Variants in KIF1A observed in about 807,000 individuals in gnomAD.
The protein encoded by KIF1A is kinesin-like protein KIF1A.
In KIF1A, 46 loss-of-function variants were observed where a neutral mutation model predicts 227.3. The observed-to-expected ratio is 0.20, with a 90% CI of 0.16 to 0.26. KIF1A has a LOEUF of 0.26. KIF1A is among the 10% of genes least tolerant of loss of function. The probability of loss-of-function intolerance (pLI) is 1.00; values close to 1 mark genes in which losing one functional copy is unlikely to be tolerated. For synonymous variants in KIF1A, 1,022 were observed against 1,012.8 expected, an observed-to-expected ratio of 1.01 and a Z score of -0.17; for missense variants, 1,683 against 2,485.9, an observed-to-expected ratio of 0.68 and a Z score of 6.87.
In KIF1A at chr2:240,739,010, A is replaced by G. The variant is rs1448937188; in HGVS notation, c.3901+1048T>C. Among the ~76,000 whole-genome samples, 1 of 152,262 alleles carries G rather than the reference A, an allele frequency of 6.6e-6. No homozygotes were observed. The highest frequency in any genetic ancestry group is 1.5e-5 in the Non-Finnish European group (1 of 68,048). On this transcript the variant is annotated intron_variant, in intron 37 of 48. Coordinates refer to ENST00000498729, the MANE Select transcript of KIF1A (RefSeq NM_001244008.2). This position sits in a 1 kb window ranked among gnomAD's most constrained non-coding sequence, Gnocchi z 5.6. ...ATTCACTCTTCTTAGGCTTGCCCTA[A>G]ACAACCTCTGAAAGGAGGGTTTGGG...
At chr2:240,772,750 C>T (rs528729607) in intron 13 of KIF1A, among the ~76,000 whole-genome samples, 154 bp from the exon 14 acceptor site, 74 of 152,214 alleles carry the variant, frequency 4.9e-4, no homozygotes, top group Non-Finnish European at 8.2e-4. Flanking sequence ...AGCTCCAGAA[C>T]GCGGGGGACC....
Position 240,746,634 on chromosome 2 carries a change from G to A in KIF1A, c.3064-457C>T, listed in dbSNP as rs537464311. On this transcript the variant is annotated intron_variant, in intron 29 of 48. Transcript: ENST00000498729. ...GCACCCAGGTTCCAGGTGACGGCAC[G>A]GCCAGGTGGGCAGGGGTGAGAAGCG... Among the ~76,000 whole-genome samples, 498 of 152,328 alleles carry A rather than the reference G, an allele frequency of 3.3e-3. 1 individual carries two copies. Among genetic ancestry groups the A allele is most frequent in the African/African-American group, 0.011 (471 of 41,562 alleles).
chr2:240,783,018 T>TATGGAAGC lies in KIF1A; in HGVS notation c.864+18_864+25dup, dbSNP rs747937333. On this transcript the variant is annotated intron_variant, in intron 9 of 48. Transcript: ENST00000498729. ...GCCAAAGACCCTCTGGGGTTCTGGC[T>TATGGAAGC]ATGGAAGCCGGGCCGGGCCACTCAC... is the stretch of plus-strand genomic sequence containing the variant. 66 of 1,592,496 alleles carry TATGGAAGC rather than the reference T, an allele frequency of 4.1e-5. No individual in the cohort carries two copies. In the South Asian group the frequency reaches 6.7e-4, roughly 16 times the overall value.
intron 47 of KIF1A, among the ~76,000 whole-genome samples, chr2:240,718,596 C>T (rs965540562): frequency 2.0e-5 from 3 of 152,218 alleles, no homozygotes; most frequent in Non-Finnish European, 4.4e-5. Flanking sequence ...CTGAACTTGT[C>T]CAGGGCCATT....
At position 240,718,138 on chromosome 2, in the gene KIF1A, G is replaced by A. The variant is rs1455631917; in HGVS notation, c.5245C>T (p.His1749Tyr). Residue 1749 changes from histidine (H) to tyrosine (Y), a missense_variant, in exon 48 of 49, where the codon CAC becomes TAC. Transcript: ENST00000498729. ...GCGGCCTGCAGCAGGATGCCGCGGT[G>A]TTCCGTGCACACCGCGAATGTGTTG... The part of the protein sequence containing the change: ...TPNTFAVCTE[H>Y]RGILLQAASD... 6 of 1,609,334 alleles carry A rather than the reference G, an allele frequency of 3.7e-6. No individual in the cohort carries two copies. In the South Asian group the frequency reaches 6.7e-5, roughly 18 times the overall value.
chr2:240,721,372 G>C (rs2045358534), intron 44 of KIF1A, among the ~76,000 whole-genome samples: 1 of 152,252 alleles, frequency 6.6e-6, no homozygotes, highest in African/African-American at 2.4e-5. Context: ...ATGGGGACAA[G>C]GAAGGCCATG....
At chr2:240,750,237 G>C (rs1368663132) in intron 28 of KIF1A, among the ~76,000 whole-genome samples, 192 bp downstream of exon 28, 1 of 152,234 alleles carries the variant, frequency 6.6e-6, no homozygotes, top group Non-Finnish European at 1.5e-5. Flanking sequence ...AGCCCGGGGC[G>C]CCAGCCCAGG....
chr2:240,780,830 C>CCA lies in KIF1A; in HGVS notation c.882+1758_882+1759dup, dbSNP rs772178620. On this transcript the variant is annotated intron_variant, in intron 10 of 48. Coordinates refer to ENST00000498729, the MANE Select transcript of KIF1A (RefSeq NM_001244008.2). The stretch of plus-strand genomic sequence containing the variant: ...CACACACACACACACACACACAGCT[C>CCA]CACACACACACACAGCTCCACACAC... Among the ~76,000 whole-genome samples, 12 of 10,072 alleles carry CCA rather than the reference C, an allele frequency of 1.2e-3. 2 individuals are homozygous for CCA. Among genetic ancestry groups the CCA allele is most frequent in the African/African-American group, 6.1e-3 (10 of 1,634 alleles). The allele number at this position is 10,072 out of a possible 152,430, so 6.6% of individuals were successfully genotyped here. A position where few individuals can be genotyped will look rare whatever the true frequency, so the allele number is the denominator to read the frequency against.
At chr2:240,784,320 C>T (rs2126057801) in intron 7 of KIF1A, among the ~76,000 whole-genome samples, 1 of 152,278 alleles carries the variant, frequency 6.6e-6, no homozygotes, top group Admixed American at 6.5e-5. Context: ...GGAGGCCTGG[C>T]CCCTCCTGAG....
At position 240,778,613 on chromosome 2, in the gene KIF1A, C is replaced by T; in HGVS notation, c.883-2687G>A. Among the ~76,000 whole-genome samples the T allele has an allele frequency of 6.6e-6, 1 of 151,596 alleles. No homozygotes were observed. Among genetic ancestry groups the T allele is most frequent in the African/African-American group, 2.4e-5 (1 of 41,220 alleles). On this transcript the variant is annotated intron_variant, in intron 10 of 48. Coordinates refer to ENST00000498729, the MANE Select transcript of KIF1A (RefSeq NM_001244008.2). This position sits in a 1 kb window ranked among gnomAD's most constrained non-coding sequence, Gnocchi z 7.2. ...CCGAAAACCCCTTCAGCTCGGCCCC[C>T]GTCCCCACACAGCTCCCCACCCCCT... is the stretch of plus-strand genomic sequence containing the variant.
intron 2 of KIF1A, among the ~76,000 whole-genome samples, chr2:240,795,509 T>G (rs1313491576): frequency 6.6e-6 from 1 of 152,244 alleles, no homozygotes; most frequent in Non-Finnish European, 1.5e-5. Flanking sequence ...CCTGCACTGC[T>G]GTCTCTGAAC....
At chr2:240,815,475 C>G (rs2058249866) in intron 1 of KIF1A, among the ~76,000 whole-genome samples, 1 of 152,106 alleles carries the variant, frequency 6.6e-6, no homozygotes, top group South Asian at 2.1e-4. Flanking sequence ...GAAGGGGGTG[C>G]CTGTCATTCC....
rs2051573447 is a variant in KIF1A at position 240,769,009 on chromosome 2, G to A, written c.1497+124C>T. 17 of 809,618 alleles carry A rather than the reference G, an allele frequency of 2.1e-5. 1 individual carries two copies. 50.2% of individuals were successfully genotyped at this position (809,618 alleles called of 1,614,324 possible). On this transcript the variant is annotated intron_variant, in intron 17 of 48. Coordinates refer to ENST00000498729, the MANE Select transcript of KIF1A (RefSeq NM_001244008.2). ...TATGGGTGAGCTTCACAGCCCCAGTGCCTGGGCCAGAGCCCCACCGTGCTC... is the reference window on the plus strand; with the variant it reads ...TATGGGTGAGCTTCACAGCCCCAGTACCTGGGCCAGAGCCCCACCGTGCTC...
chr2:240,786,305 C>T lies in KIF1A; in HGVS notation c.608+30G>A, dbSNP rs775520575. The T allele has an allele frequency of 5.6e-6, 9 of 1,603,280 alleles. No individual in the cohort carries two copies. In the South Asian group the frequency reaches 6.6e-5, roughly 12 times the overall value. On this transcript the variant is annotated intron_variant, in intron 6 of 48. Coordinates refer to ENST00000498729, the MANE Select transcript of KIF1A (RefSeq NM_001244008.2). The stretch of plus-strand genomic sequence containing the variant: ...GGGGAGAGGCGGCAGGACAGGAGGG[C>T]AGGGAGGTCCAGTGAGTCCCTCCAC...
At chr2:240,762,904 T>A in intron 22 of KIF1A, 92 bp from the exon 23 acceptor site, 1 of 1,406,602 alleles carries the variant, frequency 7.1e-7, no homozygotes, top group Middle Eastern at 1.8e-4. Flanking sequence ...CACATCCCAC[T>A]GTTTAGATGC....
Position 240,773,142 on chromosome 2 carries a change from G to T in KIF1A, c.1152C>A (p.Tyr384Ter). 1 of 1,613,618 alleles carries T rather than the reference G, an allele frequency of 6.2e-7. No homozygotes were observed. Among genetic ancestry groups the T allele is most frequent in the Non-Finnish European group, 8.5e-7 (1 of 1,179,710 alleles). ...DEVTRLRDLL[Y>*]AQGLGDITDT... The stretch of plus-strand genomic sequence containing the variant: ...CAGTGATGTCGCCAAGACCCTGGGC[G>T]TACAGAAGGTCCCGCAGCCGGGTCA... Residue 384 changes from tyrosine to a stop codon, truncating the protein, a stop_gained, in exon 13 of 49, where the codon TAC becomes TAA. Transcript: ENST00000498729. LOFTEE classifies it high-confidence loss of function.
At chr2:240,771,165 C>A in intron 14 of KIF1A, 61 bp from the exon 15 acceptor site, 1 of 1,607,988 alleles carries the variant, frequency 6.2e-7, no homozygotes. Flanking sequence ...TTATTGTTCT[C>A]AAGGTCGGAC....
chr2:240,742,277 A>G (rs2125762774), intron 34 of KIF1A, among the ~76,000 whole-genome samples: 1 of 152,096 alleles, frequency 6.6e-6, no homozygotes, highest in African/African-American at 2.4e-5. Context: ...ACAGGCCCCT[A>G]CCCTCTGGGG....
intron 15 of KIF1A, among the ~76,000 whole-genome samples, chr2:240,769,913 G>A (rs967367566): frequency 6.6e-6 from 1 of 152,158 alleles, no homozygotes; most frequent in African/African-American, 2.4e-5. Flanking sequence ...TGGAGAAAAC[G>A]CAAAACAAAT....
Sources: gnomAD v4.1 joint callset for allele counts (sites outside exome capture counted in the v4.1 genomes callset) on GRCh38, gnomAD v4.1.1 for gene constraint, Gnocchi (gnomAD v3.1) non-coding constraint, MANE v1.5 for transcripts, NCBI Gene and HGNC (gene_info 2026-07-23, HGNC 2026-07-21) for gene names.